BICD2: variants seen among roughly 807,000 people sequenced by gnomAD.
BICD2 encodes protein bicaudal D homolog 2.
BICD2 carries 25 observed loss-of-function variants against 72.9 expected under a neutral mutation model. The ratio of observed to expected loss-of-function variants is 0.34; its 90% CI spans 0.25 to 0.48. The LOEUF (loss-of-function observed/expected upper bound fraction) is 0.48, where lower values mean the gene tolerates loss of function less well. Ranked by LOEUF, BICD2 falls within the 20% of genes least tolerant of loss-of-function variation. BICD2 has a pLI of 0.99. For synonymous variants in BICD2, 501 were observed against 516.1 expected, an observed-to-expected ratio of 0.97 and a Z score of 0.40; for missense variants, 894 against 1,175.2, an observed-to-expected ratio of 0.76 and a Z score of 3.50.
intron 1 of BICD2, among the ~76,000 whole-genome samples, chr9:92,733,294 T>C (rs1037266856): frequency 6.6e-6 from 1 of 152,052 alleles, no homozygotes; most frequent in Non-Finnish European, 1.5e-5. Context: ...TCCCAGCACT[T>C]TGGAAGGTCG....
At chr9:92,717,687 T>C in intron 6 of BICD2, 110 bp downstream of exon 6, 2 of 1,384,590 alleles carry the variant, frequency 1.4e-6, no homozygotes, top group Non-Finnish European at 1.9e-6. Context: ...CACTGACTAG[T>C]CAGGGCTGCA....
At chr9:92,756,122 C>A (rs771415173) in intron 1 of BICD2, among the ~76,000 whole-genome samples, 1 of 152,236 alleles carries the variant, frequency 6.6e-6, no homozygotes, top group Non-Finnish European at 1.5e-5. Context: ...TCTACACCCA[C>A]TAGATGACAA....
intron 2 of BICD2, among the ~76,000 whole-genome samples, chr9:92,725,815 C>T (rs1587673595): frequency 6.6e-6 from 1 of 152,258 alleles, no homozygotes; most frequent in East Asian, 1.9e-4. Flanking sequence ...TCATCTCTGC[C>T]TTGATGGCCT....
rs751756270 is a variant in BICD2, at chr9:92,729,182, G to A, written c.295C>T (p.Arg99Trp). The change falls in exon 2 of 7, where the codon CGG (arginine) becomes TGG (tryptophan). Residue 99 changes from arginine (R) to tryptophan (W), a missense_variant. Around this residue, in one of 5 missense-constraint regions of BICD2, gnomAD observed 192 missense variants for 243.6 expected, o/e 0.79. Coordinates refer to ENST00000356884, the MANE Select transcript of BICD2 (RefSeq NM_001003800.2). ...GACTCCTGGATCAGGCTCTCCTCCCGGCTCTCTCCGTCAGCAGCCACCTTC... is the reference window on the plus strand; with the variant it reads ...GACTCCTGGATCAGGCTCTCCTCCCAGCTCTCTCCGTCAGCAGCCACCTTC... ...HKKVAADGES[R>W]EESLIQESAS... 15 of 1,614,074 alleles carry A rather than the reference G, an allele frequency of 9.3e-6. No homozygotes were observed. Among genetic ancestry groups the A allele is most frequent in the Non-Finnish European group, 1.3e-5 (15 of 1,180,052 alleles).
chr9:92,713,358 T>G lies in BICD2; in HGVS notation c.*1796A>C. 1 of 1,357,120 alleles carries G rather than the reference T, an allele frequency of 7.4e-7. No individual in the cohort carries two copies. The highest frequency in any genetic ancestry group is 1.0e-6 in the Non-Finnish European group (1 of 975,380). The allele number at this position is 1,357,120 out of a possible 1,614,324, so 84.1% of individuals were successfully genotyped here. A position where few individuals can be genotyped will look rare whatever the true frequency, so the allele number is the denominator to read the frequency against. ...ATCCAAAAAGTTTCTAAGTGGGCTT[T>G]TAGGTTGCCCTTCCTTCCTCCTTGT... On this transcript the variant is annotated 3_prime_UTR_variant, in exon 7 of 7. Coordinates refer to ENST00000356884, the MANE Select transcript of BICD2 (RefSeq NM_001003800.2).
chr9:92,720,405 C>A lies in BICD2; in HGVS notation c.957G>T (p.Thr319=), dbSNP rs201926954. Residue 319 remains threonine, a synonymous_variant, in exon 4 of 7, where the codon ACG becomes ACT. Transcript: ENST00000356884. This position sits in a 1 kb window ranked among gnomAD's most constrained non-coding sequence, Gnocchi z 5.4. Reference sequence around the variant, plus strand: ...GCGGTGCGAGGCCCTCCTTCTTGGGCGTGGAGGTCTTGTTGTCCAGTGGCA... The same window carrying A: ...GCGGTGCGAGGCCCTCCTTCTTGGGAGTGGAGGTCTTGTTGTCCAGTGGCA... ...AKLPLDNKTS[T]PKKEGLAPPS... The A allele has an allele frequency of 6.2e-7, 1 of 1,614,144 alleles. No homozygotes were observed. Among genetic ancestry groups the A allele is most frequent in the Non-Finnish European group, 8.5e-7 (1 of 1,180,038 alleles).
intron 1 of BICD2, among the ~76,000 whole-genome samples, chr9:92,735,776 G>C (rs114706418): frequency 6.6e-6 from 1 of 152,214 alleles, no homozygotes; most frequent in East Asian, 1.9e-4. Context: ...TGCTGTTCAC[G>C]GGCACACAGC....
At chr9:92,731,003 C>A (rs1345107979) in intron 1 of BICD2, among the ~76,000 whole-genome samples, 1 of 152,232 alleles carries the variant, frequency 6.6e-6, no homozygotes, top group Non-Finnish European at 1.5e-5. Context: ...ACCTCATCCA[C>A]CCTGGCCAGC....
At chr9:92,716,848 G>C (rs1853325732) in intron 6 of BICD2, among the ~76,000 whole-genome samples, 2 of 152,222 alleles carry the variant, frequency 1.3e-5, no homozygotes, top group African/African-American at 4.8e-5. Flanking sequence ...CACCCACCAG[G>C]GGCAGCCCAC....
At chr9:92,715,598 G>C (rs1853293709) in intron 6 of BICD2, 135 bp from the exon 7 acceptor site, 2 of 832,382 alleles carry the variant, frequency 2.4e-6, no homozygotes, top group African/African-American at 1.7e-5. Flanking sequence ...CTGGACTGGA[G>C]GGTGTGGCTG....
chr9:92,715,511 G>A (rs1205424082), intron 6 of BICD2, 48 bp from the exon 7 acceptor site: 1 of 1,539,808 alleles, frequency 6.5e-7, no homozygotes, highest in East Asian at 2.3e-5. Context: ...GCCGAGCAGA[G>A]GAGGGCAGGG....
chr9:92,714,024 G>A lies in BICD2; in HGVS notation c.*1130C>T, dbSNP rs901099502. 2 of 986,390 alleles carry A rather than the reference G, an allele frequency of 2.0e-6. No homozygotes were observed. Among genetic ancestry groups the A allele is most frequent in the South Asian group, 9.4e-5 (2 of 21,374 alleles). 61.1% of individuals were successfully genotyped at this position (986,390 alleles called of 1,614,324 possible). ...TTCTGCTCAGAATGTGGGAAGGCAG[G>A]TGTGGATGGAGCCTCTGGAAATGGG... On this transcript the variant is annotated 3_prime_UTR_variant, in exon 7 of 7. Coordinates refer to ENST00000356884, the MANE Select transcript of BICD2 (RefSeq NM_001003800.2).
chr9:92,763,312 G>A (rs1367997818), intron 1 of BICD2, among the ~76,000 whole-genome samples: 2 of 152,184 alleles, frequency 1.3e-5, no homozygotes, highest in East Asian at 3.9e-4. Flanking sequence ...GAGCAGAGGT[G>A]CCAGGTGATA....
At position 92,719,151 on chromosome 9, in the gene BICD2, C is replaced by T; in HGVS notation, c.1494G>A (p.Leu498=). Residue 498 remains leucine (L), a synonymous_variant, in exon 5 of 7, where the codon CTG becomes CTA. Transcript: ENST00000356884. ...LEKASRQDRE[L]LARLEKELKK... ...TTAGCTCCTTCTCCAGCCGGGCCAGCAGCTCGCGGTCCTGGCGGCTGGCCT... is the reference window on the plus strand; with the variant it reads ...TTAGCTCCTTCTCCAGCCGGGCCAGTAGCTCGCGGTCCTGGCGGCTGGCCT... 1.2e-6 allele frequency: 2 copies of T among 1,611,744 alleles called. No individual in the cohort carries two copies. Among genetic ancestry groups the T allele is most frequent in the Non-Finnish European group, 1.7e-6 (2 of 1,179,988 alleles).
At chr9:92,735,030 G>A (rs1853754049) in intron 1 of BICD2, among the ~76,000 whole-genome samples, 2 of 152,222 alleles carry the variant, frequency 1.3e-5, no homozygotes, top group Admixed American at 6.5e-5. Context: ...GGCTGCCCTG[G>A]CTATGGGCGA....
chr9:92,742,992 G>A (rs1006431920), intron 1 of BICD2, among the ~76,000 whole-genome samples: 2 of 152,044 alleles, frequency 1.3e-5, no homozygotes, highest in Admixed American at 6.5e-5. Context: ...CCACTTTTAG[G>A]CTATTATAAG....
At chr9:92,742,261 A>G (rs554786664) in intron 1 of BICD2, among the ~76,000 whole-genome samples, 20 of 152,222 alleles carry the variant, frequency 1.3e-4, no homozygotes, top group Non-Finnish European at 2.5e-4. Context: ...TACCTCCACC[A>G]AAAAATGTTA....
chr9:92,743,118 C>T (rs1365982612), intron 1 of BICD2, among the ~76,000 whole-genome samples: 1 of 152,208 alleles, frequency 6.6e-6, no homozygotes, highest in Non-Finnish European at 1.5e-5. Flanking sequence ...TTCCAATTTT[C>T]CCACTCCTCT....
chr9:92,748,425 A>G (rs1854061405), intron 1 of BICD2, among the ~76,000 whole-genome samples: 1 of 152,176 alleles, frequency 6.6e-6, no homozygotes, highest in South Asian at 2.1e-4. Flanking sequence ...GACTGATTTA[A>G]TAGGTCTGAG....
Sources: gnomAD v4.1 joint callset for allele counts (sites outside exome capture counted in the v4.1 genomes callset) on GRCh38, gnomAD v4.1.1 for gene constraint, gnomAD v4.1.1 regional missense constraint, Gnocchi (gnomAD v3.1) non-coding constraint, MANE v1.5 for transcripts, NCBI Gene and HGNC (gene_info 2026-07-23, HGNC 2026-07-21) for gene names.